The following HSPA2 variants were observed in gnomAD, a reference collection of about 807,000 sequenced individuals.
HSPA2 encodes heat shock-related 70 kDa protein 2.
Under a neutral mutation model 35.0 loss-of-function variants are expected in HSPA2, and 13 were observed. The ratio of observed to expected loss-of-function variants is 0.37; its 90% CI spans 0.24 to 0.59. The LOEUF (loss-of-function observed/expected upper bound fraction) is 0.59. HSPA2 is among the 20% of genes least tolerant of loss of function. The probability of loss-of-function intolerance (pLI) is 0.70; values close to 1 mark genes in which losing one functional copy is unlikely to be tolerated. For missense variants in HSPA2, 565 were observed against 885.4 expected (o/e 0.64, Z 4.59); for synonymous variants, 368 against 382.1 (o/e 0.96, Z 0.43).
chr14:64,543,039 TTGAGA>T lies in HSPA2; in HGVS notation c.*276_*280del, dbSNP rs1286738664. On this transcript the variant is annotated 3_prime_UTR_variant, in exon 1 of 1. Coordinates refer to ENST00000247207, the MANE Select transcript of HSPA2 (RefSeq NM_021979.4). ...GATTAGTTCGTGCATGGAGATTTGT[TTGAGA>T]TGAGAAACCTTAAGTTTGCACACCT... 1 of 542,074 alleles carries T rather than the reference TTGAGA, an allele frequency of 1.8e-6. No homozygotes were observed. The highest frequency in any genetic ancestry group is 3.3e-6 in the Non-Finnish European group (1 of 304,974). 33.6% of individuals were successfully genotyped at this position (542,074 alleles called of 1,614,324 possible).
chr14:64,539,677 T>TG (rs1006318876), upstream of HSPA2, among the ~76,000 whole-genome samples: 3 of 150,508 alleles, frequency 2.0e-5, no homozygotes. Flanking sequence ...CGCCAGGCAG[T>TG]GGGGTTTTTT....
chr14:64,536,291 G>T (rs948297256), upstream of HSPA2, among the ~76,000 whole-genome samples: 22 of 152,158 alleles, frequency 1.4e-4, no homozygotes, highest in Non-Finnish European at 2.8e-4. Flanking sequence ...GGCTGCGTAA[G>T]AATTCATCAT....
Position 64,542,942 on chromosome 14 carries a change from T to C in HSPA2, c.*173T>C, listed in dbSNP as rs963895927. The C allele has an allele frequency of 8.4e-7, 1 of 1,193,512 alleles. No homozygotes were observed. Among genetic ancestry groups the C allele is most frequent in the Non-Finnish European group, 1.1e-6 (1 of 871,218 alleles). The allele number at this position is 1,193,512 out of a possible 1,614,324, so 73.9% of individuals were successfully genotyped here. On this transcript the variant is annotated 3_prime_UTR_variant, in exon 1 of 1. Coordinates refer to ENST00000247207, the MANE Select transcript of HSPA2 (RefSeq NM_021979.4). The surrounding 1 kb of genome is among the most constrained non-coding windows in gnomAD (Gnocchi z 5.7). ...TAGTTTAATTATAAAAGTTCCAAAG[T>C]TTGTTTTTTAAAAACATTATTCGAG...
At position 64,541,605 on chromosome 14, in the gene HSPA2, C is replaced by T. The variant is rs1031171415; in HGVS notation, c.756C>T (p.His252=). The T allele has an allele frequency of 1.9e-5, 30 of 1,611,474 alleles. No individual in the cohort carries two copies. The highest frequency in any genetic ancestry group is 2.4e-5 in the Non-Finnish European group (28 of 1,179,872). ...SHLAEEFKRK[H]KKDIGPNKRA... ...TGGCGGAGGAGTTCAAGCGCAAGCA[C>T]AAGAAGGACATTGGGCCCAACAAGC... The change falls in exon 1 of 1, where the codon CAC becomes CAT. Residue 252 remains histidine, a synonymous_variant. Coordinates refer to ENST00000247207, the MANE Select transcript of HSPA2 (RefSeq NM_021979.4).
chr14:64,537,279 GGAAA>G (rs368587662), upstream of HSPA2, among the ~76,000 whole-genome samples: 52 of 151,730 alleles, frequency 3.4e-4, no homozygotes, highest in South Asian at 1.3e-3. Flanking sequence ...AGAAAAAGAA[GGAAA>G]GAAAGAAAGA....
upstream of HSPA2, among the ~76,000 whole-genome samples, chr14:64,537,196 A>G (rs1326262886): frequency 1.3e-5 from 2 of 152,208 alleles, no homozygotes; most frequent in African/African-American, 2.4e-5. Flanking sequence ...TCAGTTCTAC[A>G]AAGAATATGC....
In HSPA2 at chr14:64,541,488, G is replaced by T. The variant is rs1179121720; in HGVS notation, c.639G>T (p.Leu213=). ...GTGGCACTTTCGACGTGTCCATCCT[G>T]ACCATCGAGGATGGCATCTTCGAGG... ...LGGGTFDVSI[L]TIEDGIFEVK... The change falls in exon 1 of 1, where the codon CTG becomes CTT. Residue 213 remains leucine, a synonymous_variant. Coordinates refer to ENST00000247207, the MANE Select transcript of HSPA2 (RefSeq NM_021979.4). 2 of 1,613,398 alleles carry T rather than the reference G, an allele frequency of 1.2e-6. No individual in the cohort carries two copies. The highest frequency in any genetic ancestry group is 8.5e-7 in the Non-Finnish European group (1 of 1,179,754).
chr14:64,542,730 A>C lies in HSPA2; in HGVS notation c.1881A>C (p.Ser627=), dbSNP rs1350407027. ...GPGGGSGGGG[S]GASGGPTIEE... is the part of the protein sequence containing the mutation. ...GCGGCGGCAGCGGCGGCGGCGGTTCAGGAGCCTCCGGGGGACCCACCATCG... is the reference window on the plus strand; with the variant it reads ...GCGGCGGCAGCGGCGGCGGCGGTTCCGGAGCCTCCGGGGGACCCACCATCG... The change falls in exon 1 of 1, where the codon TCA becomes TCC. Residue 627 remains serine, a synonymous_variant. Transcript: ENST00000247207. The surrounding 1 kb of genome is among the most constrained non-coding windows in gnomAD (Gnocchi z 5.7). 1 of 1,613,030 alleles carries C rather than the reference A, an allele frequency of 6.2e-7. No homozygotes were observed. The highest frequency in any genetic ancestry group is 2.2e-5 in the East Asian group (1 of 44,856).
rs774228081 is a variant in HSPA2, at chr14:64,542,820, T to TA, written c.*51_*52insA. On this transcript the variant is annotated 3_prime_UTR_variant, in exon 1 of 1. Coordinates refer to ENST00000247207, the MANE Select transcript of HSPA2 (RefSeq NM_021979.4). The surrounding 1 kb of genome is among the most constrained non-coding windows in gnomAD (Gnocchi z 5.7). ...TCTTTGCCTTTCTCTCTCTCTCTTTTTTTTTGTTTGTTTCTTTGAAATGTC... is the reference window on the plus strand; with the variant it reads ...TCTTTGCCTTTCTCTCTCTCTCTTTTATTTTTGTTTGTTTCTTTGAAATGTC... 3.3e-6 allele frequency: 5 copies of TA among 1,505,528 alleles called. No individual in the cohort carries two copies. Among genetic ancestry groups the TA allele is most frequent in the Non-Finnish European group, 8.9e-7 (1 of 1,128,992 alleles). 93.3% of individuals were successfully genotyped at this position (1,505,528 alleles called of 1,614,324 possible).
Position 64,541,751 on chromosome 14 carries a change from C to G in HSPA2, c.902C>G (p.Thr301Arg), listed in dbSNP as rs759932367. 4 of 1,612,390 alleles carry G rather than the reference C, an allele frequency of 2.5e-6. No individual in the cohort carries two copies. Among genetic ancestry groups the G allele is most frequent in the Non-Finnish European group, 2.5e-6 (3 of 1,179,668 alleles). ...YEGVDFYTSI[T>R]RARFEELNAD... Reference sequence around the variant, plus strand: ...GGCGTGGACTTCTATACGTCCATCACGCGCGCCCGCTTCGAGGAGCTCAAT... The same window carrying G: ...GGCGTGGACTTCTATACGTCCATCAGGCGCGCCCGCTTCGAGGAGCTCAAT... The change falls in exon 1 of 1, where the codon ACG becomes AGG. Residue 301 changes from threonine (T) to arginine (R), a missense_variant. By Grantham distance (71) the Thr-to-Arg change is moderately conservative. Around this residue, in one of 4 missense-constraint regions of HSPA2, gnomAD observed 234 missense variants for 419.0 expected, o/e 0.56. Coordinates refer to ENST00000247207, the MANE Select transcript of HSPA2 (RefSeq NM_021979.4).
chr14:64,539,086 A>G (rs748636597), upstream of HSPA2, among the ~76,000 whole-genome samples: 2 of 152,216 alleles, frequency 1.3e-5, no homozygotes, highest in Non-Finnish European at 2.9e-5. Flanking sequence ...AACTACAGGC[A>G]TGAGCCTCCA....
Position 64,541,086 on chromosome 14 carries a change from C to T in HSPA2, c.237C>T (p.Phe79=). 6.2e-7 allele frequency: 1 copy of T among 1,614,184 alleles called. No homozygotes were observed. Among genetic ancestry groups the T allele is most frequent in the Non-Finnish European group, 8.5e-7 (1 of 1,180,044 alleles). ...FDAKRLIGRK[F]EDATVQSDMK... The stretch of plus-strand genomic sequence containing the variant: ...CCAAGAGGCTGATTGGACGGAAATT[C>T]GAGGATGCCACAGTGCAGTCGGATA... Residue 79 remains phenylalanine (F), a synonymous_variant, in exon 1 of 1, where the codon TTC becomes TTT. Coordinates refer to ENST00000247207, the MANE Select transcript of HSPA2 (RefSeq NM_021979.4).
At chr14:64,540,582 T>G (rs1009831534), upstream of HSPA2, 2 of 509,668 alleles carry the variant, frequency 3.9e-6, no homozygotes, top group East Asian at 6.9e-5. Context: ...GTCCCGCCCC[T>G]CGTCCAACTT....
In HSPA2 at chr14:64,541,551, G is replaced by A. The variant is rs1596714012; in HGVS notation, c.702G>A (p.Glu234=). 6.2e-7 allele frequency: 1 copy of A among 1,613,136 alleles called. No individual in the cohort carries two copies. The highest frequency in any genetic ancestry group is 8.5e-7 in the Non-Finnish European group (1 of 1,179,938). Residue 234 remains glutamate (E), a synonymous_variant, in exon 1 of 1, where the codon GAG becomes GAA. Transcript: ENST00000247207. ...CCGGCGACACCCACCTGGGCGGTGA[G>A]GACTTCGACAACCGCATGGTGAGCC... The part of the protein sequence containing the change: ...STAGDTHLGG[E]DFDNRMVSHL...
At chr14:64,536,052 T>G (rs1191939182), upstream of HSPA2, 1 of 152,240 alleles carries the variant, frequency 6.6e-6, no homozygotes, top group Admixed American at 6.6e-5. Context: ...GAAAATGGAC[T>G]AATGTAGCTG....
chr14:64,537,416 A>C (rs1174866428), upstream of HSPA2, among the ~76,000 whole-genome samples: 1 of 152,084 alleles, frequency 6.6e-6, no homozygotes, highest in Non-Finnish European at 1.5e-5. Context: ...ACATGGTGAA[A>C]CCCTGTCTCT....
chr14:64,540,882 C>G lies in HSPA2; in HGVS notation c.33C>G (p.Asp11Glu). The G allele has an allele frequency of 6.2e-7, 1 of 1,614,150 alleles. No homozygotes were observed. Among genetic ancestry groups the G allele is most frequent in the Non-Finnish European group, 8.5e-7 (1 of 1,180,038 alleles). ...CCCGTGGCCCGGCTATCGGCATCGA[C>G]CTGGGCACCACCTATTCGTGCGTCG... is the stretch of plus-strand genomic sequence containing the variant. MSARGPAIGI[D>E]LGTTYSCVGV... The change falls in exon 1 of 1, where the codon GAC becomes GAG. Residue 11 changes from aspartate (D) to glutamate (E), a missense_variant. Physicochemically the swap from Asp to Glu is conservative, Grantham distance 45. This residue lies in a region of HSPA2 where 183 missense variants were observed against 281.6 expected (regional missense o/e 0.65). Transcript: ENST00000247207.
rs1478140640 is a variant in HSPA2 at position 64,542,501 on chromosome 14, A to C, written c.1652A>C (p.Asn551Thr). 3.1e-6 allele frequency: 5 copies of C among 1,613,532 alleles called. No homozygotes were observed. The Admixed American group carries it at 8.3e-5, about 27-fold the overall frequency. The change falls in exon 1 of 1, where the codon AAC (asparagine) becomes ACC (threonine). Residue 551 changes from asparagine to threonine, a missense_variant. Around this residue, in one of 4 missense-constraint regions of HSPA2, gnomAD observed 147 missense variants for 166.7 expected, o/e 0.88. Coordinates refer to ENST00000247207, the MANE Select transcript of HSPA2 (RefSeq NM_021979.4). The surrounding 1 kb of genome is among the most constrained non-coding windows in gnomAD (Gnocchi z 5.7). ...AKNALESYTY[N>T]IKQTVEDEKL... ...AACGCCCTGGAGTCCTATACCTACA[A>C]CATCAAGCAGACGGTGGAAGACGAG...
At chr14:64,540,640 T>G, upstream of HSPA2, 1 of 691,570 alleles carries the variant, frequency 1.4e-6, no homozygotes, top group Non-Finnish European at 2.4e-6. Flanking sequence ...GGCAAGCCTG[T>G]GGTGGAGCTG....
Sources: allele counts gnomAD v4.1 joint callset (sites outside exome capture counted in the v4.1 genomes callset), GRCh38; gene constraint gnomAD v4.1.1; regional missense constraint gnomAD v4.1.1; non-coding constraint Gnocchi (gnomAD v3.1); transcripts MANE v1.5; gene names NCBI Gene and HGNC (gene_info 2026-07-23, HGNC 2026-07-21).